DNM3: variants seen among roughly 807,000 people sequenced by gnomAD.
The protein encoded by DNM3 is dynamin 3, also known as dynamin-3.
In DNM3, 47 loss-of-function variants were observed where a neutral mutation model predicts 101.6. The ratio of observed to expected loss-of-function variants is 0.46; its 90% CI spans 0.37 to 0.59. The LOEUF (loss-of-function observed/expected upper bound fraction) is 0.59, where lower values mean the gene tolerates loss of function less well. Ranked by LOEUF, DNM3 falls within the 20% of genes least tolerant of loss-of-function variation. The pLI, the probability that DNM3 is intolerant of heterozygous loss-of-function variation, is 0.00. For missense variants in DNM3, 849 were observed against 1,085.7 expected (o/e 0.78, Z 3.06); for synonymous variants, 385 against 387.9 (o/e 0.99, Z 0.09).
At chr1:172,227,525 G>T (rs2061179038) in intron 14 of DNM3, among the ~76,000 whole-genome samples, 1 of 151,884 alleles carries the variant, frequency 6.6e-6, no homozygotes, top group African/African-American at 2.4e-5. Context: ...CATAGAGGCT[G>T]TACTAATTTA....
intron 15 of DNM3, among the ~76,000 whole-genome samples, chr1:172,282,502 G>T (rs2063528772): frequency 6.6e-6 from 1 of 151,944 alleles, no homozygotes; most frequent in South Asian, 2.1e-4. Context: ...CTATCTGATT[G>T]CAATGTCTAC....
At chr1:171,991,243 AC>A (rs1357294476) in intron 4 of DNM3, among the ~76,000 whole-genome samples, 1 of 152,118 alleles carries the variant, frequency 6.6e-6, no homozygotes, top group African/African-American at 2.4e-5. Flanking sequence ...TTATTCTGAT[AC>A]TATTTACCTG....
intron 2 of DNM3, among the ~76,000 whole-genome samples, chr1:171,979,368 A>G (rs542891675): frequency 7.9e-5 from 12 of 152,324 alleles, no homozygotes; most frequent in Non-Finnish European, 1.6e-4. Context: ...AAATGAGTAT[A>G]TTGAAGAGAT....
At chr1:172,242,869 A>C (rs1018398856) in intron 14 of DNM3, among the ~76,000 whole-genome samples, 1 of 152,168 alleles carries the variant, frequency 6.6e-6, no homozygotes, top group Non-Finnish European at 1.5e-5. Context: ...TTTCTCCTCC[A>C]TTCTTTCCCC....
At chr1:171,862,400 T>C (rs1182339592) in intron 1 of DNM3, among the ~76,000 whole-genome samples, 1 of 152,150 alleles carries the variant, frequency 6.6e-6, no homozygotes, top group Non-Finnish European at 1.5e-5. Flanking sequence ...TGGAGTATTA[T>C]TGAGCCATAA....
At chr1:172,389,011 T>A in intron 20 of DNM3, 1 of 602,540 alleles carries the variant, frequency 1.7e-6, no homozygotes, top group Middle Eastern at 4.4e-4. Flanking sequence ...AAATTTCTCA[T>A]TTATCAATTG....
At chr1:171,963,069 A>G (rs1264371361) in intron 2 of DNM3, among the ~76,000 whole-genome samples, 1 of 152,120 alleles carries the variant, frequency 6.6e-6, no homozygotes, top group Non-Finnish European at 1.5e-5. Context: ...TTGTGTCCCT[A>G]CAGAAACTGG....
intron 14 of DNM3, among the ~76,000 whole-genome samples, chr1:172,237,924 T>G (rs1410398340): frequency 1.3e-5 from 2 of 152,168 alleles, no homozygotes; most frequent in African/African-American, 2.4e-5. Flanking sequence ...TCCCCTGTAC[T>G]GGGTGACCCC....
At chr1:172,254,462 T>C (rs942050035) in intron 15 of DNM3, among the ~76,000 whole-genome samples, 2 of 152,172 alleles carry the variant, frequency 1.3e-5, no homozygotes, top group African/African-American at 4.8e-5. Flanking sequence ...TTTTTCAAAG[T>C]GCTCTCTACA....
At chr1:172,400,392 G>A (rs1221487696) in intron 20 of DNM3, among the ~76,000 whole-genome samples, 8 of 152,046 alleles carry the variant, frequency 5.3e-5, no homozygotes, top group Admixed American at 4.6e-4. Flanking sequence ...AAAGGAGGGG[G>A]GATAGAAGGG....
At chr1:171,998,078 C>A (rs995145606) in intron 4 of DNM3, among the ~76,000 whole-genome samples, 2 of 152,114 alleles carry the variant, frequency 1.3e-5, no homozygotes, top group African/African-American at 4.8e-5. Context: ...CACTGTCAAG[C>A]AGCTGGTAAG....
chr1:172,336,371 A>T lies in DNM3; in HGVS notation c.1893+13031A>T, dbSNP rs557538939. ...TCAACCTAATTTATTATTGTATACA[A>T]ATTTAGAATAAACATCTTTATGCAT... is the stretch of plus-strand genomic sequence containing the variant. On this transcript the variant is annotated intron_variant, in intron 17 of 20. Coordinates refer to ENST00000627582, the MANE Select transcript of DNM3 (RefSeq NM_015569.5). Among the ~76,000 whole-genome samples, 107 of 152,162 alleles carry T rather than the reference A, an allele frequency of 7.0e-4. 2 individuals are homozygous for T. In the South Asian group the frequency reaches 0.018, roughly 26 times the overall value.
At chr1:171,865,138 A>G (rs1353786533) in intron 1 of DNM3, among the ~76,000 whole-genome samples, 2 of 151,670 alleles carry the variant, frequency 1.3e-5, no homozygotes, top group African/African-American at 2.4e-5. Context: ...CCTACAAACT[A>G]TATTCATTTA....
At chr1:172,295,851 C>T (rs2148829330) in intron 15 of DNM3, among the ~76,000 whole-genome samples, 1 of 151,778 alleles carries the variant, frequency 6.6e-6, no homozygotes, top group Middle Eastern at 3.4e-3. Flanking sequence ...AAAAGTAAAA[C>T]AAATGGAAAA....
intron 13 of DNM3, chr1:172,093,556 C>T (rs868683135): frequency 4.8e-6 from 3 of 623,556 alleles, no homozygotes; most frequent in Non-Finnish European, 5.3e-6. Context: ...AAAAAACTTT[C>T]AGAGGTACAA....
In DNM3 at chr1:172,306,304, A is replaced by C. The variant is rs570368865; in HGVS notation, c.1770-2424A>C. The stretch of plus-strand genomic sequence containing the variant: ...TTGCTGCAAAGAGAATAAAATACCT[A>C]GGAATCCAGCTTACAAGGCATGTGA... On this transcript the variant is annotated intron_variant, in intron 15 of 20. Transcript: ENST00000627582. Among the ~76,000 whole-genome samples, 3 of 152,342 alleles carry C rather than the reference A, an allele frequency of 2.0e-5. No individual in the cohort carries two copies. In the East Asian group the frequency reaches 5.8e-4, roughly 29 times the overall value.
intron 17 of DNM3, among the ~76,000 whole-genome samples, chr1:172,353,333 T>C (rs2067280420): frequency 6.6e-6 from 1 of 152,190 alleles, no homozygotes; most frequent in Non-Finnish European, 1.5e-5. Context: ...GTCCTAAGGT[T>C]TATGCCAGTC....
intron 2 of DNM3, among the ~76,000 whole-genome samples, chr1:171,953,703 A>C (rs1235489116): frequency 6.6e-6 from 1 of 152,180 alleles, no homozygotes; most frequent in Non-Finnish European, 1.5e-5. Flanking sequence ...TGCTGGGATT[A>C]CAGGCCACCA....
At chr1:172,375,780 G>C (rs959072918) in intron 17 of DNM3, among the ~76,000 whole-genome samples, 1 of 151,518 alleles carries the variant, frequency 6.6e-6, no homozygotes, top group African/African-American at 2.4e-5. Flanking sequence ...AGGCTGAGGC[G>C]GGACCATCGC....
Sources: gnomAD v4.1 joint callset for allele counts (sites outside exome capture counted in the v4.1 genomes callset) on GRCh38, gnomAD v4.1.1 for gene constraint, MANE v1.5 for transcripts, NCBI Gene and HGNC (gene_info 2026-07-23, HGNC 2026-07-21) for gene names.